The following DAB1 variants were observed in gnomAD, a reference collection of about 807,000 sequenced individuals.
The protein encoded by DAB1 is DAB adaptor protein 1.
A neutral mutation model predicts 64.6 loss-of-function variants in DAB1; 15 were observed. The observed-to-expected ratio is 0.23, with a 90% CI of 0.16 to 0.36. DAB1 has a LOEUF of 0.36. Among genes scored for constraint, DAB1 ranks in the 10% least tolerant of loss-of-function variants. The probability of loss-of-function intolerance (pLI) is 1.00; values close to 1 mark genes in which losing one functional copy is unlikely to be tolerated. For missense variants in DAB1, 596 were observed against 706.7 expected (o/e 0.84, Z 1.78); for synonymous variants, 235 against 251.9 (o/e 0.93, Z 0.64).
chr1:57,341,237 C>T (rs1306374917), intron 1 of DAB1, among the ~76,000 whole-genome samples: 1 of 152,158 alleles, frequency 6.6e-6, no homozygotes, highest in Admixed American at 6.5e-5. Flanking sequence ...GGGTTCCCTA[C>T]ATCCAAATGG....
intron 14 of DAB1, among the ~76,000 whole-genome samples, chr1:56,999,865 T>C (rs746422657): frequency 6.6e-6 from 1 of 152,158 alleles, no homozygotes; most frequent in Non-Finnish European, 1.5e-5. Context: ...CACCCTATTA[T>C]GCAGTGTAAC....
chr1:58,402,530 G>A (rs186109456), intron 3 of DAB1, among the ~76,000 whole-genome samples: 6 of 152,212 alleles, frequency 3.9e-5, no homozygotes, highest in Non-Finnish European at 5.9e-5. Context: ...AGAGAAGAAC[G>A]TGAATAAAAG....
At chr1:57,581,705 T>C (rs1461935532) in intron 7 of DAB1, among the ~76,000 whole-genome samples, 1 of 148,432 alleles carries the variant, frequency 6.7e-6, no homozygotes, top group East Asian at 1.9e-4. Context: ...TACTATATAA[T>C]AAATCTAATA....
chr1:57,441,349 T>C (rs545322785), intron 7 of DAB1, among the ~76,000 whole-genome samples: 3 of 151,478 alleles, frequency 2.0e-5, no homozygotes, highest in African/African-American at 4.8e-5. Flanking sequence ...CTTTCTTTCT[T>C]TTTTTCTTTC....
chr1:57,225,836 T>C (rs2100405726), intron 2 of DAB1, among the ~76,000 whole-genome samples: 1 of 152,314 alleles, frequency 6.6e-6, no homozygotes, highest in Admixed American at 6.5e-5. Flanking sequence ...TTTTATAAAA[T>C]GGTTTTTCAG....
At chr1:57,074,846 C>G (rs1651835120) in intron 4 of DAB1, among the ~76,000 whole-genome samples, 1 of 151,988 alleles carries the variant, frequency 6.6e-6, no homozygotes, top group East Asian at 1.9e-4. Context: ...TAATTAGGAC[C>G]CATTAATTTT....
At chr1:58,272,836 G>C (rs1315713104) in intron 4 of DAB1, among the ~76,000 whole-genome samples, 1 of 146,596 alleles carries the variant, frequency 6.8e-6, no homozygotes, top group African/African-American at 2.5e-5. Context: ...TGCAACCCCT[G>C]CCTTTTTTTG....
chr1:57,016,974 C>T (rs531674163), intron 11 of DAB1, among the ~76,000 whole-genome samples: 1 of 152,270 alleles, frequency 6.6e-6, no homozygotes, highest in South Asian at 2.1e-4. Context: ...GAAGTAGGAG[C>T]AGGGTCAAAC....
At chr1:57,145,736 T>G (rs914957660) in intron 2 of DAB1, among the ~76,000 whole-genome samples, 3 of 152,210 alleles carry the variant, frequency 2.0e-5, no homozygotes, top group African/African-American at 7.2e-5. Context: ...AAGCATCTAA[T>G]TCAGGGTTTG....
intron 4 of DAB1, among the ~76,000 whole-genome samples, chr1:58,218,416 T>C (rs2185166): frequency 0.68 from 103,291 of 152,014 alleles, 37,759 homozygotes; most frequent in Non-Finnish European, 0.84. Context: ...TTTCCAGCTT[T>C]GGGGAGCAGA....
At chr1:58,077,362 T>A (rs1312483624) in intron 5 of DAB1, among the ~76,000 whole-genome samples, 2 of 152,150 alleles carry the variant, frequency 1.3e-5, no homozygotes, top group Admixed American at 1.3e-4. Context: ...AGTGGACAGA[T>A]GATCCACAGC....
intron 6 of DAB1, among the ~76,000 whole-genome samples, chr1:57,733,881 A>C (rs939792745): frequency 8.5e-5 from 13 of 152,088 alleles, no homozygotes; most frequent in Non-Finnish European, 1.5e-4. Flanking sequence ...CCTGAAGAAG[A>C]AGCAGCACAG....
intron 5 of DAB1, among the ~76,000 whole-genome samples, chr1:57,918,810 C>T (rs558029906): frequency 1.3e-5 from 2 of 151,564 alleles, no homozygotes; most frequent in East Asian, 2.0e-4. Context: ...GTCGACAGAG[C>T]GAGACTCCGT....
At chr1:57,447,672 C>T (rs545181581) in intron 7 of DAB1, among the ~76,000 whole-genome samples, 7 of 152,282 alleles carry the variant, frequency 4.6e-5, no homozygotes, top group South Asian at 4.1e-4. Context: ...CGTATAATGG[C>T]GCCCTAGTGC....
At chr1:57,988,184 G>C (rs1646270379) in intron 5 of DAB1, among the ~76,000 whole-genome samples, 2 of 152,284 alleles carry the variant, frequency 1.3e-5, no homozygotes, top group South Asian at 4.1e-4. Context: ...AGCGTAGTGA[G>C]AAAACCAAAA....
chr1:58,115,177 G>A (rs936501758), intron 5 of DAB1, among the ~76,000 whole-genome samples: 2 of 116,034 alleles, frequency 1.7e-5, no homozygotes, highest in Admixed American at 2.0e-4. Flanking sequence ...AGTGGGCGAA[G>A]GACATGAACA....
chr1:57,365,870 C>T (rs181357375), intron 1 of DAB1, among the ~76,000 whole-genome samples: 21 of 152,096 alleles, frequency 1.4e-4, no homozygotes, highest in Admixed American at 1.3e-3. Context: ...TGCTAAATCC[C>T]GTATACTGTA....
chr1:57,797,856 A>G (rs1012059619), intron 6 of DAB1, among the ~76,000 whole-genome samples: 2 of 50,582 alleles, frequency 4.0e-5, no homozygotes, highest in Non-Finnish European at 8.0e-5. Context: ...ATTAATTTAT[A>G]TAGAAAACTG....
chr1:58,025,708 A>G (rs1376947404), intron 5 of DAB1, among the ~76,000 whole-genome samples: 3 of 143,708 alleles, frequency 2.1e-5, no homozygotes, highest in Non-Finnish European at 4.5e-5. Flanking sequence ...ATAAATTTAG[A>G]GTAAAGTTAT....
Sources: allele counts gnomAD v4.1 joint callset (sites outside exome capture counted in the v4.1 genomes callset), GRCh38; gene constraint gnomAD v4.1.1; transcripts MANE v1.5; gene names NCBI Gene and HGNC (gene_info 2026-07-23, HGNC 2026-07-21).